B3GAT3: variants seen among roughly 807,000 people sequenced by gnomAD.
B3GAT3 encodes beta-1,3-glucuronyltransferase 3, also known as galactosylgalactosylxylosylprotein 3-beta-glucuronosyltransferase 3.
A neutral mutation model predicts 33.1 loss-of-function variants in B3GAT3; 19 were observed. The observed-to-expected ratio is 0.57, with a 90% CI of 0.40 to 0.84. The LOEUF (loss-of-function observed/expected upper bound fraction) is 0.84. Ranked by LOEUF, B3GAT3 falls within the 40% of genes least tolerant of loss-of-function variation. The pLI is 0.00. For missense variants in B3GAT3, 344 were observed against 441.5 expected (o/e 0.78, Z 1.98); for synonymous variants, 167 against 193.5 (o/e 0.86, Z 1.14).
Position 62,615,497 on chromosome 11 carries a change from C to CT in B3GAT3, c.*203dup. 1 of 954,006 alleles carries CT rather than the reference C, an allele frequency of 1.0e-6. No homozygotes were observed. Among genetic ancestry groups the CT allele is most frequent in the Non-Finnish European group, 1.5e-6 (1 of 645,368 alleles). The allele number at this position is 954,006 out of a possible 1,614,324, so 59.1% of individuals were successfully genotyped here. A position where few individuals can be genotyped will look rare whatever the true frequency, so the allele number is the denominator to read the frequency against. ...CCAACCTGACTCAACACAAGGGCTG[C>CT]TTGTCCCCAGCCTGTGGGCAGTGCC... On this transcript the variant is annotated 3_prime_UTR_variant, in exon 5 of 5. Coordinates refer to ENST00000265471, the MANE Select transcript of B3GAT3 (RefSeq NM_012200.4).
In B3GAT3 at chr11:62,616,815, G is replaced by A. The variant is rs767030735; in HGVS notation, c.619-19C>T. On this transcript the variant is annotated intron_variant, in intron 3 of 4. Coordinates refer to ENST00000265471, the MANE Select transcript of B3GAT3 (RefSeq NM_012200.4). ...AGCGCATCTAACGGAGGTCGGGAGA[G>A]AAGAAACAGAGGGGTGGTCCGGGGA... The A allele has an allele frequency of 2.5e-6, 4 of 1,613,698 alleles. No homozygotes were observed. The highest frequency in any genetic ancestry group is 1.7e-5 in the Admixed American group (1 of 60,006).
At position 62,617,058 on chromosome 11, in the gene B3GAT3, G is replaced by T. The variant is rs770473328; in HGVS notation, c.547C>A (p.Pro183Thr). ...TAGACGACTCCTTGGGTCCCTGGTG[G>T]TGGTGGGTCCTTCTCCCCACCCACA... ...GAVGGEKDPP[P>T]PGTQGVVYFA... The change falls in exon 3 of 5, where the codon CCA becomes ACA. Residue 183 changes from proline to threonine, a missense_variant. Physicochemically the swap from Pro to Thr is conservative, Grantham distance 38. Transcript: ENST00000265471. 1.2e-6 allele frequency: 2 copies of T among 1,614,052 alleles called. No homozygotes were observed. Among genetic ancestry groups the T allele is most frequent in the African/African-American group, 2.7e-5 (2 of 74,918 alleles).
chr11:62,620,772 A>AATGC, intron 1 of B3GAT3, 101 bp from the exon 2 acceptor site: 1 of 1,189,674 alleles, frequency 8.4e-7, no homozygotes. Flanking sequence ...ATTCCTAACC[A>AATGC]ATGCAGGTAT....
chr11:62,616,763 C>G lies in B3GAT3; in HGVS notation c.652G>C (p.Val218Leu). 1.9e-6 allele frequency: 3 copies of G among 1,614,090 alleles called. No homozygotes were observed. The highest frequency in any genetic ancestry group is 2.5e-6 in the Non-Finnish European group (3 of 1,180,008). Reference sequence around the variant, plus strand: ...AATCGCAGGCCGCCCACCAGCCCCACAGGCCACACTGAGACACCACGGGTC... The same window carrying G: ...AATCGCAGGCCGCCCACCAGCCCCAGAGGCCACACTGAGACACCACGGGTC... ...RWTRGVSVWP[V>L]GLVGGLRFEG... is the part of the protein sequence containing the mutation. The change falls in exon 4 of 5, where the codon GTG becomes CTG. Residue 218 changes from valine (V) to leucine (L), a missense_variant. Val to Leu is a conservative substitution (Grantham distance 32, BLOSUM62 1). Coordinates refer to ENST00000265471, the MANE Select transcript of B3GAT3 (RefSeq NM_012200.4).
At chr11:62,617,511 A>C in intron 2 of B3GAT3, 164 bp from the exon 3 acceptor site, 1 of 895,858 alleles carries the variant, frequency 1.1e-6, no homozygotes, top group Non-Finnish European at 1.7e-6. Context: ...GCTAACACTC[A>C]CCTGCCCTGT....
intron 1 of B3GAT3, 65 bp downstream of exon 1, chr11:62,621,801 G>A: frequency 1.4e-6 from 2 of 1,477,156 alleles, no homozygotes; most frequent in South Asian, 2.5e-5. Context: ...TCATCCCCAG[G>A]GCGGGATGCA....
At chr11:62,620,463 A>G (rs1943123359) in intron 2 of B3GAT3, 34 bp downstream of exon 2, 3 of 1,605,690 alleles carry the variant, frequency 1.9e-6, no homozygotes, top group Non-Finnish European at 2.6e-6. Context: ...CTTCTTGGAC[A>G]ACGCAGACCT....
intron 1 of B3GAT3, 89 bp from the exon 2 acceptor site, chr11:62,620,760 T>G: frequency 7.6e-7 from 1 of 1,315,014 alleles, no homozygotes; most frequent in Non-Finnish European, 1.1e-6. Context: ...ATCGTCTCAT[T>G]AATTCCTAAC....
rs1943016872 is a variant in B3GAT3 at position 62,616,059 on chromosome 11, C to T, written c.910-260G>A. The T allele has an allele frequency of 1.1e-5, 12 of 1,054,994 alleles. No homozygotes were observed. In the East Asian group the frequency reaches 2.4e-4, roughly 21 times the overall value. 65.4% of individuals were successfully genotyped at this position (1,054,994 alleles called of 1,614,324 possible). A position where few individuals can be genotyped will look rare whatever the true frequency, so the allele number is the denominator to read the frequency against. On this transcript the variant is annotated intron_variant, in intron 4 of 4. Transcript: ENST00000265471. ...GAGATTGAGACCATCCTGGCTAACA[C>T]CGTGAAACCCCGTCACTACTAAAAA...
At chr11:62,618,269 T>G (rs568146660) in intron 2 of B3GAT3, among the ~76,000 whole-genome samples, 1 of 151,616 alleles carries the variant, frequency 6.6e-6, no homozygotes, top group South Asian at 2.1e-4. Context: ...TTGTAACTTA[T>G]TATGTGAGAC....
Position 62,615,780 on chromosome 11 carries a change from C to G in B3GAT3, c.929G>C (p.Arg310Pro), listed in dbSNP as rs779076359. Residue 310 changes from arginine to proline, a missense_variant, in exon 5 of 5, where the codon CGG becomes CCG. By Grantham distance (103) the Arg-to-Pro change is moderately radical. Coordinates refer to ENST00000265471, the MANE Select transcript of B3GAT3 (RefSeq NM_012200.4). The part of the protein sequence containing the change: ...NCTRVLVWHT[R>P]TEKPKMKQEE... Reference sequence around the variant, plus strand: ...CTGCTTCATCTTGGGCTTCTCTGTCCGAGTATGCCACACCAGTACCTGTGC... The same window carrying G: ...CTGCTTCATCTTGGGCTTCTCTGTCGGAGTATGCCACACCAGTACCTGTGC... 4 of 1,613,912 alleles carry G rather than the reference C, an allele frequency of 2.5e-6. No individual in the cohort carries two copies. In the East Asian group the frequency reaches 6.7e-5, roughly 27 times the overall value.
intron 2 of B3GAT3, 176 bp from the exon 3 acceptor site, chr11:62,617,523 C>T (rs1943058811): frequency 2.4e-6 from 2 of 830,256 alleles, no homozygotes; most frequent in Non-Finnish European, 3.8e-6. Context: ...CTGCCCTGTT[C>T]TTCTGGTCCA....
At position 62,617,101 on chromosome 11, in the gene B3GAT3, G is replaced by C; in HGVS notation, c.504C>G (p.Leu168=). The change falls in exon 3 of 5, where the codon CTC becomes CTG. Residue 168 remains leucine (L), a synonymous_variant. Transcript: ENST00000265471. The stretch of plus-strand genomic sequence containing the variant: ...CACCCACAGCACCCCCTCTGCCCCG[G>C]AGCCAGTCCAGGGCCTTGTTCCGCT... ...VEQRNKALDW[L]RGRGGAVGGE... 6.2e-7 allele frequency: 1 copy of C among 1,614,014 alleles called. No individual in the cohort carries two copies. The highest frequency in any genetic ancestry group is 8.5e-7 in the Non-Finnish European group (1 of 1,180,012).
rs1000979000 is a variant in B3GAT3, at chr11:62,615,308, T to G, written c.*393A>C. The G allele has an allele frequency of 2.7e-6, 1 of 367,462 alleles. No homozygotes were observed. 22.8% of individuals were successfully genotyped at this position (367,462 alleles called of 1,614,324 possible). On this transcript the variant is annotated 3_prime_UTR_variant, in exon 5 of 5. Transcript: ENST00000265471. The stretch of plus-strand genomic sequence containing the variant: ...AACAAGAGGCCCCTCCAGGTTGAGA[T>G]TCTTTATTCTGGAGGTAGGAAGGGG...
rs754964007 is a variant in B3GAT3, at chr11:62,618,201, A to AC, written c.258-855_258-854insG. 2.9e-3 allele frequency among the ~76,000 whole-genome samples: 444 copies of AC among 150,718 alleles called. 4 individuals are homozygous for AC. The highest frequency in any genetic ancestry group is 4.4e-3 in the Non-Finnish European group (300 of 67,520). On this transcript the variant is annotated intron_variant, in intron 2 of 4. Transcript: ENST00000265471. ...TCAAAAAAAAAAAAAAAAAAAAAAAAAAACAAATTAAGGGCACAGGCTTTG... is the reference window on the plus strand; with the variant it reads ...TCAAAAAAAAAAAAAAAAAAAAAAAACAAACAAATTAAGGGCACAGGCTTTG...
Position 62,616,197 on chromosome 11 carries a change from T to C in B3GAT3, c.909+309A>G, listed in dbSNP as rs995852648. ...AGGCGGAGCTTGCGCTAAGCCAAGA[T>C]TGCGCTACTGCACTCCAGCCTGGGT... On this transcript the variant is annotated intron_variant, in intron 4 of 4. Coordinates refer to ENST00000265471, the MANE Select transcript of B3GAT3 (RefSeq NM_012200.4). The C allele has an allele frequency of 5.5e-6, 3 of 543,992 alleles. No homozygotes were observed. The African/African-American group carries it at 5.7e-5, about 10-fold the overall frequency. 33.7% of individuals were successfully genotyped at this position (543,992 alleles called of 1,614,324 possible).
At position 62,620,684 on chromosome 11, in the gene B3GAT3, A is replaced by G; in HGVS notation, c.83-13T>C. ...TCACATGGCTGGCCTGGTCCCAGGA[A>G]GCATTAATGGGGAAAGAAGGTGGGG... On this transcript the variant is annotated splice_polypyrimidine_tract_variant and intron_variant, in intron 1 of 4. Transcript: ENST00000265471. The G allele has an allele frequency of 3.1e-6, 5 of 1,608,060 alleles. No individual in the cohort carries two copies. The highest frequency in any genetic ancestry group is 4.3e-6 in the Non-Finnish European group (5 of 1,175,802).
intron 1 of B3GAT3, chr11:62,621,312 T>G (rs542662957): frequency 2.2e-6 from 1 of 456,464 alleles, no homozygotes; most frequent in Admixed American, 2.4e-5. Context: ...AGAAACAAAT[T>G]AATAACATTA....
At position 62,615,299 on chromosome 11, in the gene B3GAT3, A is replaced by G. The variant is rs780975259; in HGVS notation, c.*402T>C. The G allele has an allele frequency of 1.9e-5, 7 of 366,552 alleles. No homozygotes were observed. In the East Asian group the frequency reaches 4.6e-4, roughly 24 times the overall value. 22.7% of individuals were successfully genotyped at this position (366,552 alleles called of 1,614,324 possible). On this transcript the variant is annotated 3_prime_UTR_variant, in exon 5 of 5. Transcript: ENST00000265471. The stretch of plus-strand genomic sequence containing the variant: ...GCAAAGGAAAACAAGAGGCCCCTCC[A>G]GGTTGAGATTCTTTATTCTGGAGGT...
Sources: allele counts gnomAD v4.1 joint callset (sites outside exome capture counted in the v4.1 genomes callset), GRCh38; gene constraint gnomAD v4.1.1; transcripts MANE v1.5; gene names NCBI Gene and HGNC (gene_info 2026-07-23, HGNC 2026-07-21).